TENM3: variants seen among roughly 807,000 people sequenced by gnomAD.
TENM3 encodes teneurin transmembrane protein 3.
Under a neutral mutation model 255.1 loss-of-function variants are expected in TENM3, and 63 were observed. The ratio of observed to expected loss-of-function variants is 0.25; its 90% CI spans 0.20 to 0.30. The LOEUF is 0.30. Among genes scored for constraint, TENM3 ranks in the 10% least tolerant of loss-of-function variants. The pLI is 1.00. For missense variants in TENM3, 2,929 were observed against 3,461.1 expected, an observed-to-expected ratio of 0.85 and a Z score of 3.86; for synonymous variants, 1,306 against 1,322.3, an observed-to-expected ratio of 0.99 and a Z score of 0.27.
chr4:181,460,980 C>A, the TENM3 span, among the ~76,000 whole-genome samples: 1 of 151,926 alleles, frequency 6.6e-6, no homozygotes, highest in Non-Finnish European at 1.5e-5. Flanking sequence ...ATATCTATGT[C>A]CATTCAAATT....
the TENM3 span, among the ~76,000 whole-genome samples, chr4:181,940,349 A>G: frequency 1.3e-5 from 2 of 152,130 alleles, no homozygotes; most frequent in Non-Finnish European, 2.9e-5. Flanking sequence ...CTCTAAACCA[A>G]CTCATACAGT....
At chr4:182,530,647 T>C (rs1739684982) in intron 3 of TENM3, among the ~76,000 whole-genome samples, 1 of 152,040 alleles carries the variant, frequency 6.6e-6, no homozygotes, top group East Asian at 1.9e-4. Context: ...ACCAAAAATG[T>C]CTCCAGACGT....
chr4:181,902,414 T>A, the TENM3 span, among the ~76,000 whole-genome samples: 1 of 152,126 alleles, frequency 6.6e-6, no homozygotes, highest in Non-Finnish European at 1.5e-5. Context: ...GGTGTTTTAG[T>A]CAGGAAGTCT....
the TENM3 span, among the ~76,000 whole-genome samples, chr4:181,484,749 C>A: frequency 3.3e-5 from 5 of 151,906 alleles, no homozygotes; most frequent in Non-Finnish European, 5.9e-5. Context: ...TTACATGTAG[C>A]CTAACAGATG....
the TENM3 span, among the ~76,000 whole-genome samples, chr4:181,648,514 C>A: frequency 6.6e-6 from 1 of 152,106 alleles, no homozygotes; most frequent in African/African-American, 2.4e-5. Context: ...GCTATGAAAA[C>A]TCTCATGGCA....
At chr4:181,503,526 ATAT>A in the TENM3 span, among the ~76,000 whole-genome samples, 2 of 152,160 alleles carry the variant, frequency 1.3e-5, no homozygotes, top group African/African-American at 4.8e-5. Flanking sequence ...AAGGGGTCAG[ATAT>A]TATCTTGAAA....
intron 4 of TENM3, among the ~76,000 whole-genome samples, chr4:182,616,572 A>G (rs1453974346): frequency 3.3e-5 from 4 of 121,830 alleles, no homozygotes; most frequent in Non-Finnish European, 7.0e-5. Context: ...TGGCTAACAC[A>G]GTGAAAAAAA....
chr4:182,221,244 A>G (rs1203053313), intron 1 of TENM3, among the ~76,000 whole-genome samples: 1 of 152,240 alleles, frequency 6.6e-6, no homozygotes, highest in Non-Finnish European at 1.5e-5. Context: ...CCCCTGCTAT[A>G]AAAGTTAGCC....
intron 27 of TENM3, among the ~76,000 whole-genome samples, chr4:182,798,928 C>A (rs1327139482): frequency 6.6e-6 from 1 of 152,124 alleles, no homozygotes; most frequent in Non-Finnish European, 1.5e-5. Flanking sequence ...TTAAGATGCC[C>A]CCAATTTAAA....
intron 1 of TENM3, among the ~76,000 whole-genome samples, chr4:182,281,326 TC>T (rs1159914895): frequency 6.6e-6 from 1 of 152,208 alleles, no homozygotes; most frequent in Non-Finnish European, 1.5e-5. Flanking sequence ...TTAAAGATAT[TC>T]CCATAGGTTG....
At chr4:182,638,789 C>A (rs1178877106) in intron 5 of TENM3, among the ~76,000 whole-genome samples, 1 of 152,180 alleles carries the variant, frequency 6.6e-6, no homozygotes, top group East Asian at 1.9e-4. Context: ...ACTGCCTGAT[C>A]CTTTCTGTTT....
the TENM3 span, among the ~76,000 whole-genome samples, chr4:182,017,129 A>T: frequency 6.6e-6 from 1 of 152,226 alleles, no homozygotes; most frequent in African/African-American, 2.4e-5. Context: ...GCCTTTAGCC[A>T]ATTTCCCTGC....
intron 16 of TENM3, among the ~76,000 whole-genome samples, chr4:182,734,317 G>A (rs1192213750): frequency 6.6e-6 from 1 of 152,140 alleles, no homozygotes; most frequent in Admixed American, 6.5e-5. Context: ...TGACCCCAGG[G>A]CCAGCTGATG....
At position 182,800,496 on chromosome 4, in the gene TENM3, A is replaced by G. The variant is rs1332739408; in HGVS notation, c.*145A>G. 2.9e-6 allele frequency: 3 copies of G among 1,027,322 alleles called. No homozygotes were observed. In the South Asian group the frequency reaches 5.1e-5, roughly 17 times the overall value. 63.6% of individuals were successfully genotyped at this position (1,027,322 alleles called of 1,614,324 possible). A position where few individuals can be genotyped will look rare whatever the true frequency, so the allele number is the denominator to read the frequency against. On this transcript the variant is annotated 3_prime_UTR_variant, in exon 28 of 28. Transcript: ENST00000511685. ...GACCCACACCCACACCGCGAAAACAAGGACCGCTTTTTTCCGAATGACCTT... is the reference window on the plus strand; with the variant it reads ...GACCCACACCCACACCGCGAAAACAGGGACCGCTTTTTTCCGAATGACCTT...
intron 4 of TENM3, among the ~76,000 whole-genome samples, chr4:182,602,397 A>G (rs962588665): frequency 2.4e-4 from 37 of 152,212 alleles, no homozygotes; most frequent in Non-Finnish European, 3.5e-4. Context: ...GGGTGAACAA[A>G]GTGTCTCACA....
At chr4:182,280,429 G>T (rs1483841902) in intron 1 of TENM3, among the ~76,000 whole-genome samples, 2 of 152,122 alleles carry the variant, frequency 1.3e-5, no homozygotes, top group African/African-American at 4.8e-5. Context: ...ATATATTCTT[G>T]AATAAGGAGG....
the TENM3 span, among the ~76,000 whole-genome samples, chr4:181,556,464 A>G: frequency 6.6e-6 from 1 of 152,194 alleles, no homozygotes; most frequent in South Asian, 2.1e-4. Context: ...ATTGATATAC[A>G]CATATTATTG....
the TENM3 span, among the ~76,000 whole-genome samples, chr4:181,680,196 G>A: frequency 6.6e-6 from 1 of 152,016 alleles, no homozygotes; most frequent in Non-Finnish European, 1.5e-5. Flanking sequence ...ATTTATATCT[G>A]AACTCTACAG....
At chr4:181,540,210 GC>G in the TENM3 span, among the ~76,000 whole-genome samples, 1 of 152,090 alleles carries the variant, frequency 6.6e-6, no homozygotes, top group Non-Finnish European at 1.5e-5. Flanking sequence ...CAAAGCTGAA[GC>G]AATTGGAGCA....
Sources: allele counts gnomAD v4.1 joint callset (sites outside exome capture counted in the v4.1 genomes callset), GRCh38; gene constraint gnomAD v4.1.1; transcripts MANE v1.5; gene names NCBI Gene and HGNC (gene_info 2026-07-23, HGNC 2026-07-21).